Variants in SHLD1 observed in about 807,000 individuals in gnomAD.
SHLD1 encodes the protein shieldin complex subunit 1, also known as RINN1-REV7-interacting novel NHEJ regulator 3.
In SHLD1, 3 loss-of-function variants were observed where a neutral mutation model predicts 5.5. The observed-to-expected ratio is 0.54, with a 90% CI of 0.25 to 1.40. The LOEUF (loss-of-function observed/expected upper bound fraction) is 1.40, where lower values mean the gene tolerates loss of function less well. Ranked by LOEUF, SHLD1 falls within the 40% of genes most tolerant of loss-of-function variation. SHLD1 has a pLI of 0.15. For synonymous variants in SHLD1, 92 were observed against 94.3 expected (o/e 0.98, Z 0.14); for missense variants, 210 against 244.4 (o/e 0.86, Z 0.94).
In SHLD1 at chr20:5,792,671, CTT is replaced by C. The variant is rs560022381; in HGVS notation, c.178+19635_178+19636del. ...CTGACCTCAGGTGATCTGCCGTTTT[CTT>C]TTTTTTAAAAAAAAAAAAGAAAAAG... On this transcript the variant is annotated intron_variant, in intron 2 of 2. Transcript: ENST00000303142. 3.5e-3 allele frequency among the ~76,000 whole-genome samples: 443 copies of C among 124,920 alleles called. 9 individuals carry two copies. Among genetic ancestry groups the C allele is most frequent in the South Asian group, 0.031 (118 of 3,862 alleles). 82.0% of individuals were successfully genotyped at this position (124,920 alleles called of 152,430 possible).
intron 2 of SHLD1, among the ~76,000 whole-genome samples, chr20:5,850,834 C>G (rs2087999772): frequency 6.6e-6 from 1 of 152,166 alleles, no homozygotes; most frequent in African/African-American, 2.4e-5. Flanking sequence ...TACTTCTCAT[C>G]CGGCTTTACT....
chr20:5,785,890 G>C (rs1391239052), intron 2 of SHLD1, among the ~76,000 whole-genome samples: 1 of 151,770 alleles, frequency 6.6e-6, no homozygotes, highest in Non-Finnish European at 1.5e-5. Flanking sequence ...GCCGATATTG[G>C]TACCCTGTCA....
At chr20:5,823,830 T>A (rs948158765) in intron 2 of SHLD1, among the ~76,000 whole-genome samples, 35 of 152,150 alleles carry the variant, frequency 2.3e-4, no homozygotes, top group African/African-American at 8.4e-4. Context: ...TGGGCAAGCT[T>A]CCTCCACTGC....
intron 2 of SHLD1, among the ~76,000 whole-genome samples, chr20:5,854,345 G>A (rs6038307): frequency 4.6e-5 from 7 of 152,080 alleles, no homozygotes; most frequent in South Asian, 2.1e-4. Flanking sequence ...ACAGGGTTTC[G>A]CCATGTTGCC....
intron 2 of SHLD1, among the ~76,000 whole-genome samples, chr20:5,781,525 T>C (rs1341313348): frequency 6.6e-6 from 1 of 152,234 alleles, no homozygotes; most frequent in African/African-American, 2.4e-5. Context: ...TTGTCCAGGC[T>C]GGAGTGCAAT....
chr20:5,762,708 C>T (rs1984532614), intron 1 of SHLD1, among the ~76,000 whole-genome samples: 1 of 151,912 alleles, frequency 6.6e-6, no homozygotes, highest in South Asian at 2.1e-4. Context: ...GGCGTGGTGG[C>T]TCACGTCTGT....
chr20:5,794,398 A>G (rs543080503), intron 2 of SHLD1, among the ~76,000 whole-genome samples: 46 of 152,140 alleles, frequency 3.0e-4, no homozygotes, highest in Non-Finnish European at 5.4e-4. Context: ...CCACTTCTTT[A>G]TGTTGCTCAG....
At position 5,759,989 on chromosome 20, in the gene SHLD1, T is replaced by TACACAC. The variant is rs74281801; in HGVS notation, c.-5+9526_-5+9531dup. On this transcript the variant is annotated intron_variant, in intron 1 of 2. Coordinates refer to ENST00000303142, the MANE Select transcript of SHLD1 (RefSeq NM_152504.4). ...ATCATTCTCTGTCTCTGTATTTTTA[T>TACACAC]ACACACACACACACACACACATATA... is the stretch of plus-strand genomic sequence containing the variant. Among the ~76,000 whole-genome samples, 103 of 150,548 alleles carry TACACAC rather than the reference T, an allele frequency of 6.8e-4. 1 individual carries two copies. Among genetic ancestry groups the TACACAC allele is most frequent in the Middle Eastern group, 6.8e-3 (2 of 292 alleles).
chr20:5,753,189 A>C (rs1983864611), intron 1 of SHLD1, among the ~76,000 whole-genome samples: 1 of 152,222 alleles, frequency 6.6e-6, no homozygotes, highest in Admixed American at 6.5e-5. Context: ...ACATTATACC[A>C]GGTTAATAAA....
chr20:5,830,920 G>A (rs910160722), intron 2 of SHLD1, among the ~76,000 whole-genome samples: 33 of 152,012 alleles, frequency 2.2e-4, no homozygotes, highest in African/African-American at 6.3e-4. Flanking sequence ...TCTTATTACC[G>A]CTTAAATTTT....
intron 2 of SHLD1, among the ~76,000 whole-genome samples, chr20:5,860,665 G>A (rs2088149299): frequency 6.6e-6 from 1 of 151,712 alleles, no homozygotes; most frequent in Non-Finnish European, 1.5e-5. Flanking sequence ...GTCCTTCCTT[G>A]GTTTTCACAA....
At chr20:5,846,796 A>G (rs1207250847) in intron 2 of SHLD1, among the ~76,000 whole-genome samples, 1 of 152,162 alleles carries the variant, frequency 6.6e-6, no homozygotes, top group Non-Finnish European at 1.5e-5. Flanking sequence ...GATCCAGATA[A>G]TTCCCCATGG....
At chr20:5,796,895 C>T (rs1181791545) in intron 2 of SHLD1, among the ~76,000 whole-genome samples, 1 of 151,028 alleles carries the variant, frequency 6.6e-6, no homozygotes, top group Non-Finnish European at 1.5e-5. Flanking sequence ...TTACAGTCTA[C>T]AGTTTTAGAC....
At chr20:5,840,473 A>T (rs1233598104) in intron 2 of SHLD1, among the ~76,000 whole-genome samples, 1 of 152,062 alleles carries the variant, frequency 6.6e-6, no homozygotes, top group East Asian at 1.9e-4. Flanking sequence ...TAGGACCTTC[A>T]TTTTTTGCTG....
At chr20:5,860,838 G>A (rs1254019499) in intron 2 of SHLD1, among the ~76,000 whole-genome samples, 1 of 141,492 alleles carries the variant, frequency 7.1e-6, no homozygotes, top group African/African-American at 2.6e-5. Context: ...AAAAGCTCTG[G>A]GCATAGCAAG....
intron 2 of SHLD1, among the ~76,000 whole-genome samples, chr20:5,852,011 ACTCT>A (rs1384455831): frequency 6.6e-6 from 1 of 150,654 alleles, no homozygotes; most frequent in Non-Finnish European, 1.5e-5. Context: ...CTCACACCCC[ACTCT>A]CTCTCTTGCT....
chr20:5,813,945 C>CTTTTTTT (rs143110037), intron 2 of SHLD1, among the ~76,000 whole-genome samples: 35 of 79,992 alleles, frequency 4.4e-4, no homozygotes, highest in Non-Finnish European at 5.5e-4. Context: ...CCTTTTCTTT[C>CTTTTTTT]TTTTTTTTTT....
At chr20:5,772,001 A>C in intron 1 of SHLD1, 1 of 431,080 alleles carries the variant, frequency 2.3e-6, no homozygotes, top group East Asian at 7.3e-5. Flanking sequence ...CTGACTCCCA[A>C]GTAGCTGGGA....
At chr20:5,752,148 C>A (rs543911659) in intron 1 of SHLD1, among the ~76,000 whole-genome samples, 1 of 152,100 alleles carries the variant, frequency 6.6e-6, no homozygotes, top group African/African-American at 2.4e-5. Context: ...GTAATCTCAA[C>A]GCTTTGTGAG....
Sources: allele counts gnomAD v4.1 joint callset (sites outside exome capture counted in the v4.1 genomes callset), GRCh38; gene constraint gnomAD v4.1.1; transcripts MANE v1.5; gene names NCBI Gene and HGNC (gene_info 2026-07-23, HGNC 2026-07-21).